CAST: variants seen among roughly 807,000 people sequenced by gnomAD.
CAST encodes MIR583 host.
CAST carries 76 observed loss-of-function variants against 119.6 expected under a neutral mutation model. That is an observed-to-expected ratio of 0.64 (90% confidence interval 0.53 to 0.77). The LOEUF is 0.77. Among genes scored for constraint, CAST ranks in the 30% least tolerant of loss-of-function variants. The pLI is 0.00. For missense variants in CAST, 953 were observed against 946.5 expected (o/e 1.01, Z -0.09); for synonymous variants, 319 against 331.6 (o/e 0.96, Z 0.41).
chr5:96,165,851 T>C, the CAST span, among the ~76,000 whole-genome samples: 2 of 152,358 alleles, frequency 1.3e-5, no homozygotes, highest in South Asian at 2.1e-4. Flanking sequence ...AAATAATTTT[T>C]GAAAACTGGA....
At chr5:96,131,205 G>A in the CAST span, among the ~76,000 whole-genome samples, 1 of 151,984 alleles carries the variant, frequency 6.6e-6, no homozygotes, top group Admixed American at 6.6e-5. Flanking sequence ...TTACTAAAAA[G>A]AGTATATGTC....
At chr5:96,661,362 T>C (rs1748427492), upstream of CAST, among the ~76,000 whole-genome samples, 1 of 140,710 alleles carries the variant, frequency 7.1e-6, no homozygotes, top group Non-Finnish European at 1.5e-5. Context: ...GAGGCGGAGA[T>C]TGCAGCGAGC....
intron 1 of CAST, among the ~76,000 whole-genome samples, chr5:96,554,901 C>G (rs1746204509): frequency 6.6e-6 from 1 of 152,150 alleles, no homozygotes; most frequent in Non-Finnish European, 1.5e-5. Context: ...AGTCAGGAAA[C>G]AACAGATACT....
the CAST span, among the ~76,000 whole-genome samples, chr5:96,160,091 G>C: frequency 6.6e-6 from 1 of 151,768 alleles, no homozygotes; most frequent in South Asian, 2.1e-4. Flanking sequence ...AGTGAGCCAA[G>C]ATTGCACCAC....
the CAST span, among the ~76,000 whole-genome samples, chr5:96,049,889 C>CAAAAAAAAAAAA: frequency 1.8e-3 from 60 of 34,186 alleles, no homozygotes; most frequent in Admixed American, 3.0e-3. Context: ...GAACAGGAGG[C>CAAAAAAAAAAAA]AAAAAAAAAA....
At chr5:96,018,045 G>T in the CAST span, among the ~76,000 whole-genome samples, 2 of 152,038 alleles carry the variant, frequency 1.3e-5, no homozygotes, top group African/African-American at 4.8e-5. Context: ...GGCTTACTTT[G>T]TCTTGTGGAA....
At chr5:95,990,688 A>G in the CAST span, among the ~76,000 whole-genome samples, 1 of 152,104 alleles carries the variant, frequency 6.6e-6, no homozygotes, top group Non-Finnish European at 1.5e-5. Context: ...GAATATAAGC[A>G]TTTATCTTCT....
At chr5:96,357,970 T>C in the CAST span, among the ~76,000 whole-genome samples, 1 of 152,180 alleles carries the variant, frequency 6.6e-6, no homozygotes, top group Non-Finnish European at 1.5e-5. Flanking sequence ...TGAACTTTTT[T>C]TTGTTGGTAG....
chr5:96,442,454 C>T, the CAST span, among the ~76,000 whole-genome samples: 1 of 152,144 alleles, frequency 6.6e-6, no homozygotes, highest in African/African-American at 2.4e-5. Flanking sequence ...CTCAGAAGCC[C>T]TATGTTTCTA....
At chr5:96,408,827 G>A in the CAST span, among the ~76,000 whole-genome samples, 2 of 152,196 alleles carry the variant, frequency 1.3e-5, no homozygotes, top group East Asian at 3.9e-4. Context: ...TGCTTAATAT[G>A]TAGTTTGCAC....
At chr5:96,445,781 C>T in the CAST span, among the ~76,000 whole-genome samples, 1 of 152,182 alleles carries the variant, frequency 6.6e-6, no homozygotes, top group East Asian at 1.9e-4. Flanking sequence ...CAATGTCCAT[C>T]CCATGGTACG....
intron 1 of CAST, among the ~76,000 whole-genome samples, chr5:96,620,086 A>C (rs754843802): frequency 1.3e-5 from 2 of 152,218 alleles, no homozygotes; most frequent in South Asian, 4.1e-4. Context: ...GGAGAATGGC[A>C]ATCTATTACT....
At chr5:96,473,872 A>G in the CAST span, among the ~76,000 whole-genome samples, 860 of 152,300 alleles carry the variant, frequency 5.6e-3, 9 homozygotes, top group Non-Finnish European at 7.9e-3. Context: ...AACTGTCCCA[A>G]TGATGGTGAT....
chr5:96,190,093 C>G, the CAST span, among the ~76,000 whole-genome samples: 13 of 152,216 alleles, frequency 8.5e-5, no homozygotes, highest in South Asian at 2.7e-3. Context: ...CCAGCTTGCT[C>G]TGCCCTGAAT....
the CAST span, among the ~76,000 whole-genome samples, chr5:95,966,044 C>G: frequency 5.9e-5 from 9 of 152,170 alleles, no homozygotes; most frequent in Non-Finnish European, 1.0e-4. Context: ...GGGGAGGGCT[C>G]TCTAATCTAG....
At chr5:96,551,566 C>T (rs1746126334) in intron 1 of CAST, among the ~76,000 whole-genome samples, 1 of 151,982 alleles carries the variant, frequency 6.6e-6, no homozygotes, top group Non-Finnish European at 1.5e-5. Flanking sequence ...TCACACATAA[C>T]AATATTAACC....
chr5:96,198,726 A>T, the CAST span, among the ~76,000 whole-genome samples: 1 of 152,174 alleles, frequency 6.6e-6, no homozygotes, highest in Non-Finnish European at 1.5e-5. Context: ...TCCCTGAGGG[A>T]AAAACCACAT....
At chr5:96,701,820 A>T (rs1753935866) in intron 3 of CAST, among the ~76,000 whole-genome samples, 1 of 151,676 alleles carries the variant, frequency 6.6e-6, no homozygotes, top group Non-Finnish European at 1.5e-5. Context: ...AAAAAAAAAA[A>T]TTATAAGGAC....
the CAST span, among the ~76,000 whole-genome samples, chr5:96,349,137 C>CTTTTTTTTTTTTTTTTTTTTTTTTTTTTT: frequency 1.3e-4 from 4 of 31,308 alleles, no homozygotes; most frequent in African/African-American, 5.4e-4. Context: ...AACAAGGACA[C>CTTTTTTTTTTTTTTTTTTTTTTTTTTTTT]TATTTTTTTT....
Sources: allele counts gnomAD v4.1 joint callset (sites outside exome capture counted in the v4.1 genomes callset), GRCh38; gene constraint gnomAD v4.1.1; transcripts MANE v1.5; gene names NCBI Gene and HGNC (gene_info 2026-07-23, HGNC 2026-07-21).